The following MYH7 variants were observed in gnomAD, a reference collection of about 807,000 sequenced individuals.
MYH7 encodes myosin-7.
MYH7 carries 129 observed loss-of-function variants against 225.4 expected under a neutral mutation model. That is an observed-to-expected ratio of 0.57 (90% CI 0.50 to 0.66). The LOEUF (loss-of-function observed/expected upper bound fraction) is 0.66. Among genes scored for constraint, MYH7 ranks in the 30% least tolerant of loss-of-function variants. The probability of loss-of-function intolerance (pLI) is 0.00; values close to 1 mark genes in which losing one functional copy is unlikely to be tolerated. For synonymous variants in MYH7, 971 were observed against 1,007.6 expected, an observed-to-expected ratio of 0.96 and a Z score of 0.69; for missense variants, 1,649 against 2,517.0, an observed-to-expected ratio of 0.66 and a Z score of 7.38.
chr14:23,434,380 T>C, intron 1 of MYH7, 131 bp from the exon 2 acceptor site: 3 of 481,230 alleles, frequency 6.2e-6, no homozygotes, highest in Non-Finnish European at 8.1e-6. Context: ...GGTGGTCAGC[T>C]TCTCTGGTCC....
At chr14:23,424,490 G>A (rs930634287) in intron 22 of MYH7, among the ~76,000 whole-genome samples, 1 of 152,328 alleles carries the variant, frequency 6.6e-6, no homozygotes, top group Admixed American at 6.5e-5. Context: ...AGGAAATTGA[G>A]GCTCAAAGAT....
Position 23,433,717 on chromosome 14 carries a change from T to C in MYH7, c.16A>G (p.Met6Val). 6.2e-7 allele frequency: 1 copy of C among 1,614,054 alleles called. No individual in the cohort carries two copies. The change falls in exon 3 of 40, where the codon ATG becomes GTG. Residue 6 changes from methionine to valine, a missense_variant. Around this residue, in one of 12 missense-constraint regions of MYH7, gnomAD observed 91 missense variants for 96.5 expected, o/e 0.94. Transcript: ENST00000355349. This position sits in a 1 kb window ranked among gnomAD's most constrained non-coding sequence, Gnocchi z 4.1. ...GGGGCGGCAGCCCCAAAGACTGCCATCTCCGAATCTCCCATGGCTGTGCCT... is the reference window on the plus strand; with the variant it reads ...GGGGCGGCAGCCCCAAAGACTGCCACCTCCGAATCTCCCATGGCTGTGCCT... The part of the protein sequence containing the change: MGDSE[M>V]AVFGAAAPYL...
chr14:23,415,133 G>T lies in MYH7; in HGVS notation c.5421C>A (p.Gly1807=), dbSNP rs142844109. The T allele has an allele frequency of 1.8e-5, 29 of 1,613,988 alleles. No homozygotes were observed. Among genetic ancestry groups the T allele is most frequent in the South Asian group, 5.5e-5 (5 of 91,084 alleles). The part of the protein sequence containing the change: ...LDEAEQIALK[G]GKKQLQKLEA... ...CCAGCTTCTGCAGCTGCTTCTTGCC[G>T]CCCTTGAGGGCGATCTGCTCGGCTT... Residue 1807 remains glycine, a synonymous_variant, in exon 37 of 40, where the codon GGC becomes GGA. Transcript: ENST00000355349. This position sits in a 1 kb window ranked among gnomAD's most constrained non-coding sequence, Gnocchi z 6.3.
chr14:23,427,920 T>C, intron 15 of MYH7, 26 bp from the exon 16 acceptor site: 2 of 1,613,074 alleles, frequency 1.2e-6, no homozygotes, highest in Non-Finnish European at 1.7e-6. Flanking sequence ...AGAGCATCAC[T>C]GAGTGTCCTT....
Position 23,430,889 on chromosome 14 carries a change from G to A in MYH7, c.895+12C>T, listed in dbSNP as rs186276057. ...TGGAGATAGTTGGTCTCAGTCGGTG[G>A]CTCTGACTCACCCAGCAGCTCAGGC... On this transcript the variant is annotated intron_variant, in intron 10 of 39. Transcript: ENST00000355349. 36 of 1,595,426 alleles carry A rather than the reference G, an allele frequency of 2.3e-5. No individual in the cohort carries two copies. In the Admixed American group the frequency reaches 5.8e-4, roughly 26 times the overall value.
chr14:23,413,234 G>A (rs1892044477), intron 39 of MYH7, among the ~76,000 whole-genome samples: 3 of 152,122 alleles, frequency 2.0e-5, no homozygotes, highest in Non-Finnish European at 4.4e-5. Flanking sequence ...TATAAATTAG[G>A]GTCTTCTAGG....
chr14:23,432,864 AG>A (rs1169500038), intron 4 of MYH7, 69 bp from the exon 5 acceptor site: 1 of 1,595,494 alleles, frequency 6.3e-7, no homozygotes, highest in East Asian at 2.2e-5. Context: ...TGGGAGTTAG[AG>A]AAAGATCCCA....
intron 29 of MYH7, among the ~76,000 whole-genome samples, chr14:23,418,703 G>A (rs1245641109): frequency 6.6e-6 from 1 of 152,126 alleles, no homozygotes; most frequent in Admixed American, 6.5e-5. Context: ...GAAAGGTTAG[G>A]GGACTTCCCT....
chr14:23,431,970 C>G lies in MYH7; in HGVS notation c.531-101G>C, dbSNP rs564883312. 3.1e-5 allele frequency: 39 copies of G among 1,258,410 alleles called. 1 individual carries two copies. In the South Asian group the frequency reaches 3.4e-4, roughly 11 times the overall value. The allele number at this position is 1,258,410 out of a possible 1,614,324, so 78.0% of individuals were successfully genotyped here. A position where few individuals can be genotyped will look rare whatever the true frequency, so the allele number is the denominator to read the frequency against. ...CTGGGCCTACCCGAGAGTAGGAGCC[C>G]TGGGCAAGAAGCTGCCAGGTTATCT... On this transcript the variant is annotated intron_variant, in intron 6 of 39. Coordinates refer to ENST00000355349, the MANE Select transcript of MYH7 (RefSeq NM_000257.4).
rs564442282 is a variant in MYH7 at position 23,423,512 on chromosome 14, G to C, written c.3099+35C>G. 8 of 1,591,362 alleles carry C rather than the reference G, an allele frequency of 5.0e-6. No homozygotes were observed. The South Asian group carries it at 8.8e-5, about 18-fold the overall frequency. On this transcript the variant is annotated intron_variant, in intron 24 of 39. Transcript: ENST00000355349. ...AGAGCTCTGGGCACAGATAGACATGGCATATCTAGGCCCCACAACTCTCAA... is the reference window on the plus strand; with the variant it reads ...AGAGCTCTGGGCACAGATAGACATGCCATATCTAGGCCCCACAACTCTCAA...
intron 1 of MYH7, among the ~76,000 whole-genome samples, chr14:23,435,398 A>ACC (rs1491491536): frequency 2.9e-5 from 4 of 139,410 alleles, no homozygotes; most frequent in South Asian, 2.4e-4. Flanking sequence ...ACACACACAC[A>ACC]CCCTGTAATG....
At chr14:23,418,768 T>A (rs1320335662) in intron 29 of MYH7, among the ~76,000 whole-genome samples, 7 of 152,160 alleles carry the variant, frequency 4.6e-5, no homozygotes, top group Admixed American at 3.9e-4. Flanking sequence ...TGGAGTTTTT[T>A]AAAAATCATG....
intron 15 of MYH7, 122 bp from the exon 16 acceptor site, chr14:23,428,016 C>T (rs1892765034): frequency 7.1e-6 from 9 of 1,258,780 alleles, no homozygotes; most frequent in East Asian, 2.5e-5. Flanking sequence ...GTAGGCTCAG[C>T]TCTGAGTACA....
Position 23,416,876 on chromosome 14 carries a change from C to G in MYH7, c.4636G>C (p.Glu1546Gln), listed in dbSNP as rs1333965416. The change falls in exon 33 of 40, where the codon GAG becomes CAG. Residue 1546 changes from glutamate to glutamine, a missense_variant. Glu to Gln is a conservative substitution (Grantham distance 29). Around this residue, in one of 12 missense-constraint regions of MYH7, gnomAD observed 687 missense variants for 913.8 expected, o/e 0.75. Coordinates refer to ENST00000355349, the MANE Select transcript of MYH7 (RefSeq NM_000257.4). ...EKMELQSALE[E>Q]AEASLEHEEG... Reference sequence around the variant, plus strand: ...CCTGCACACACACACACCTCGGCCTCCTCCAGGGCTGACTGCAGCTCCATC... The same window carrying G: ...CCTGCACACACACACACCTCGGCCTGCTCCAGGGCTGACTGCAGCTCCATC... 1 of 1,614,250 alleles carries G rather than the reference C, an allele frequency of 6.2e-7. No individual in the cohort carries two copies. The highest frequency in any genetic ancestry group is 1.1e-5 in the South Asian group (1 of 91,086).
At chr14:23,426,909 A>G in intron 17 of MYH7, 45 bp from the exon 18 acceptor site, 2 of 1,505,282 alleles carry the variant, frequency 1.3e-6, no homozygotes, top group Non-Finnish European at 1.8e-6. Flanking sequence ...AAATGCCAGA[A>G]AGAGATGCAG....
chr14:23,416,440 G>T, intron 33 of MYH7, 128 bp from the exon 34 acceptor site: 1 of 1,084,902 alleles, frequency 9.2e-7, no homozygotes, highest in Non-Finnish European at 1.3e-6. Flanking sequence ...GAAGCAGAAG[G>T]TGGAGGAAAA....
chr14:23,416,658 G>A (rs1240660450), intron 33 of MYH7, among the ~76,000 whole-genome samples: 1 of 152,200 alleles, frequency 6.6e-6, no homozygotes, highest in Non-Finnish European at 1.5e-5. Flanking sequence ...CAGCTAAGAT[G>A]CAATGGGTAA....
At position 23,433,353 on chromosome 14, in the gene MYH7, A is replaced by T; in HGVS notation, c.202-126T>A. On this transcript the variant is annotated intron_variant, in intron 3 of 39. Coordinates refer to ENST00000355349, the MANE Select transcript of MYH7 (RefSeq NM_000257.4). The surrounding 1 kb of genome is among the most constrained non-coding windows in gnomAD (Gnocchi z 4.1). Reference sequence around the variant, plus strand: ...GAGAAGGAACCAGGATCTCACAGGGAAGACAGAAGGGATATTGGGAAGGAG... The same window carrying T: ...GAGAAGGAACCAGGATCTCACAGGGTAGACAGAAGGGATATTGGGAAGGAG... The T allele has an allele frequency of 6.7e-7, 1 of 1,487,072 alleles. No homozygotes were observed. The highest frequency in any genetic ancestry group is 9.3e-7 in the Non-Finnish European group (1 of 1,079,126). 92.1% of individuals were successfully genotyped at this position (1,487,072 alleles called of 1,614,324 possible). A position where few individuals can be genotyped will look rare whatever the true frequency, so the allele number is the denominator to read the frequency against.
At chr14:23,419,644 G>T in intron 27 of MYH7, 35 bp from the exon 28 acceptor site, 2 of 1,614,006 alleles carry the variant, frequency 1.2e-6, no homozygotes, top group South Asian at 1.1e-5. Context: ...GATGGATGTT[G>T]GGGGCGGGGG....
Sources: gnomAD v4.1 joint callset for allele counts (sites outside exome capture counted in the v4.1 genomes callset) on GRCh38, gnomAD v4.1.1 for gene constraint, gnomAD v4.1.1 regional missense constraint, Gnocchi (gnomAD v3.1) non-coding constraint, MANE v1.5 for transcripts, NCBI Gene and HGNC (gene_info 2026-07-23, HGNC 2026-07-21) for gene names.